The following SYT16 variants were observed in gnomAD, a reference collection of about 807,000 sequenced individuals.
SYT16 encodes synaptotagmin-16.
In SYT16, 42 loss-of-function variants were observed where a neutral mutation model predicts 61.4. The ratio of observed to expected loss-of-function variants is 0.68; its 90% CI spans 0.53 to 0.89. The LOEUF is 0.89. Ranked by LOEUF, SYT16 falls within the 40% of genes least tolerant of loss-of-function variation. The pLI is 0.00. For missense variants in SYT16, 804 were observed against 807.3 expected, an observed-to-expected ratio of 1.00 and a Z score of 0.05; for synonymous variants, 314 against 302.3, an observed-to-expected ratio of 1.04 and a Z score of -0.40.
intron 3 of SYT16, among the ~76,000 whole-genome samples, chr14:62,045,390 T>A (rs1408448154): frequency 6.6e-6 from 1 of 152,154 alleles, no homozygotes; most frequent in Non-Finnish European, 1.5e-5. Context: ...TTTTGGAATT[T>A]TTTTCTAAAT....
At chr14:61,884,916 C>G (rs1043306332) in intron 1 of SYT16, among the ~76,000 whole-genome samples, 2 of 152,052 alleles carry the variant, frequency 1.3e-5, no homozygotes, top group Non-Finnish European at 2.9e-5. Context: ...TCTTTTGGGA[C>G]CCACTAAAAA....
intron 2 of SYT16, among the ~76,000 whole-genome samples, chr14:61,979,045 T>C (rs2051941067): frequency 6.6e-6 from 1 of 152,212 alleles, no homozygotes; most frequent in Non-Finnish European, 1.5e-5. Flanking sequence ...TCTTTCAGGA[T>C]CCTCTTAATG....
chr14:61,858,120 C>CAAAAAAAAAAAAAAAAAAAAAAAGAAAA (rs2046837291), intron 1 of SYT16, among the ~76,000 whole-genome samples: 1 of 43,230 alleles, frequency 2.3e-5, no homozygotes. Context: ...CACAGCTTGG[C>CAAAAAAAAAAAAAAAAAAAAAAAGAAAA]AAAAAAAAAA....
chr14:62,090,883 A>G (rs1487530970), intron 7 of SYT16, among the ~76,000 whole-genome samples: 7 of 152,170 alleles, frequency 4.6e-5, no homozygotes, highest in Non-Finnish European at 8.8e-5. Flanking sequence ...ACATGGTGGC[A>G]TACAAGAGAG....
At chr14:61,990,937 G>C (rs116327471) in intron 2 of SYT16, among the ~76,000 whole-genome samples, 1 of 152,026 alleles carries the variant, frequency 6.6e-6, no homozygotes, top group Admixed American at 6.6e-5. Context: ...TTACTGCTTA[G>C]TCATTTCCTA....
intron 1 of SYT16, among the ~76,000 whole-genome samples, chr14:61,964,309 G>A (rs576121490): frequency 3.0e-4 from 45 of 152,244 alleles, no homozygotes; most frequent in Middle Eastern, 3.4e-3. Flanking sequence ...ATGATTCATG[G>A]GAGGTCAAAA....
intron 3 of SYT16, among the ~76,000 whole-genome samples, chr14:62,063,839 A>G (rs1202512080): frequency 6.6e-6 from 1 of 152,230 alleles, no homozygotes; most frequent in Admixed American, 6.5e-5. Flanking sequence ...AGAAGCCCAC[A>G]GTAGCACCTT....
intron 3 of SYT16, among the ~76,000 whole-genome samples, chr14:61,997,030 C>T (rs75791425): frequency 0.048 from 7,243 of 152,072 alleles, 207 homozygotes; most frequent in African/African-American, 0.068. Flanking sequence ...TAGGAAATCT[C>T]TGAAATAAGA....
At chr14:62,027,315 C>T (rs1296333802) in intron 3 of SYT16, among the ~76,000 whole-genome samples, 1 of 152,158 alleles carries the variant, frequency 6.6e-6, no homozygotes, top group Non-Finnish European at 1.5e-5. Flanking sequence ...CCAATGATAT[C>T]GATGTAGGAC....
chr14:61,861,594 G>T (rs1042913909), intron 1 of SYT16, among the ~76,000 whole-genome samples: 1 of 152,002 alleles, frequency 6.6e-6, no homozygotes, highest in South Asian at 2.1e-4. Context: ...TTGTAGAAAG[G>T]GGGTTTTGGC....
At chr14:61,937,961 A>G (rs80036667) in intron 1 of SYT16, among the ~76,000 whole-genome samples, 3,960 of 150,516 alleles carry the variant, frequency 0.026, 68 homozygotes, top group African/African-American at 0.034. Context: ...TTTACAGTCC[A>G]TTGAGGAATA....
chr14:61,922,887 C>G (rs2140408484), intron 1 of SYT16, among the ~76,000 whole-genome samples: 1 of 151,954 alleles, frequency 6.6e-6, no homozygotes. Flanking sequence ...GTCTCCACTA[C>G]AAATACAAAA....
intron 6 of SYT16, 146 bp from the exon 7 acceptor site, chr14:62,084,050 T>A (rs2056801445): frequency 1.2e-6 from 1 of 860,170 alleles, no homozygotes; most frequent in African/African-American, 1.8e-5. Context: ...CCTGGGCCCA[T>A]TGTAATTCAC....
At position 61,982,180 on chromosome 14, in the gene SYT16, C is replaced by G. The variant is rs563994747; in HGVS notation, c.-145+11869C>G. 9.7e-4 allele frequency among the ~76,000 whole-genome samples: 147 copies of G among 152,230 alleles called. 1 individual carries two copies. Among genetic ancestry groups the G allele is most frequent in the Middle Eastern group, 3.4e-3 (1 of 294 alleles). On this transcript the variant is annotated intron_variant, in intron 2 of 7. Coordinates refer to ENST00000683842, the MANE Select transcript of SYT16 (RefSeq NM_001367656.1). ...TTTTATGACTGAGAATTCTAGGCAG[C>G]CCTCAGTAAACCTTGGTAGTCCACA...
At chr14:61,895,569 C>T (rs1449863100) in intron 1 of SYT16, among the ~76,000 whole-genome samples, 3 of 152,156 alleles carry the variant, frequency 2.0e-5, no homozygotes, top group Non-Finnish European at 1.5e-5. Context: ...ATGCTTAAAA[C>T]AGGGCCTGGC....
At chr14:62,019,633 G>A (rs1449258178) in intron 3 of SYT16, among the ~76,000 whole-genome samples, 1 of 152,178 alleles carries the variant, frequency 6.6e-6, no homozygotes, top group East Asian at 1.9e-4. Flanking sequence ...GTTTGGCCTA[G>A]AATCAAAGGA....
intron 1 of SYT16, among the ~76,000 whole-genome samples, chr14:61,866,176 C>G (rs748816344): frequency 6.6e-6 from 1 of 151,768 alleles, no homozygotes; most frequent in Non-Finnish European, 1.5e-5. Flanking sequence ...TATGAATACT[C>G]GTGTATAAGT....
intron 2 of SYT16, among the ~76,000 whole-genome samples, chr14:61,982,934 A>G (rs1015331484): frequency 6.6e-6 from 1 of 152,168 alleles, no homozygotes; most frequent in Admixed American, 6.5e-5. Flanking sequence ...TAAAAGTTGC[A>G]TTTATCAGAG....
Position 62,087,614 on chromosome 14 carries a change from G to A in SYT16, c.1624+3229G>A, listed in dbSNP as rs150245217. On this transcript the variant is annotated intron_variant, in intron 7 of 7. Coordinates refer to ENST00000683842, the MANE Select transcript of SYT16 (RefSeq NM_001367656.1). Reference sequence around the variant, plus strand: ...ACATGTTGCTGGAAAGAGAGACAGCGGCTAGGATTTAGAAGTGAGAATCTT... The same window carrying A: ...ACATGTTGCTGGAAAGAGAGACAGCAGCTAGGATTTAGAAGTGAGAATCTT... 9.3e-3 allele frequency among the ~76,000 whole-genome samples: 1,415 copies of A among 152,282 alleles called. 22 individuals carry two copies. Among genetic ancestry groups the A allele is most frequent in the African/African-American group, 0.031 (1,307 of 41,560 alleles).
Sources: gnomAD v4.1 joint callset for allele counts (sites outside exome capture counted in the v4.1 genomes callset) on GRCh38, gnomAD v4.1.1 for gene constraint, MANE v1.5 for transcripts, NCBI Gene and HGNC (gene_info 2026-07-23, HGNC 2026-07-21) for gene names.